Variants in BCL2A1 observed in about 807,000 individuals in gnomAD.
The protein encoded by BCL2A1 is bcl-2-related protein A1.
Under a neutral mutation model 14.4 loss-of-function variants are expected in BCL2A1, and 10 were observed. The observed-to-expected ratio is 0.69, with a 90% CI of 0.43 to 1.18. The LOEUF (loss-of-function observed/expected upper bound fraction) is 1.18, where lower values mean the gene tolerates loss of function less well. Among genes scored for constraint, BCL2A1 ranks in the 50% most tolerant of loss-of-function variants. The probability of loss-of-function intolerance (pLI) is 0.00; values close to 1 mark genes in which losing one functional copy is unlikely to be tolerated. For missense variants in BCL2A1, 158 were observed against 205.0 expected (o/e 0.77, Z 1.40); for synonymous variants, 71 against 76.5 (o/e 0.93, Z 0.38).
intron 1 of BCL2A1, among the ~76,000 whole-genome samples, chr15:79,968,066 T>C (rs1416579509): frequency 5.9e-5 from 9 of 152,214 alleles, no homozygotes. Context: ...CCTTGAAAGA[T>C]GAGGGTACTA....
At chr15:79,966,423 G>A (rs775814197) in intron 1 of BCL2A1, among the ~76,000 whole-genome samples, 11 of 152,160 alleles carry the variant, frequency 7.2e-5, no homozygotes, top group Non-Finnish European at 1.6e-4. Context: ...TGCTAGGCAT[G>A]AGGTACACAG....
intron 1 of BCL2A1, among the ~76,000 whole-genome samples, chr15:79,962,439 A>T (rs2035498294): frequency 1.3e-5 from 2 of 152,156 alleles, no homozygotes; most frequent in Non-Finnish European, 2.9e-5. Context: ...TCCTGCCAGT[A>T]CATACTCATA....
intron 1 of BCL2A1, among the ~76,000 whole-genome samples, chr15:79,970,325 T>G (rs1411113001): frequency 6.6e-6 from 1 of 152,204 alleles, no homozygotes; most frequent in Non-Finnish European, 1.5e-5. Flanking sequence ...CTGTGCTGAT[T>G]GTAGAAATTT....
At position 79,961,059 on chromosome 15, in the gene BCL2A1, C is replaced by A. The variant is rs1352622771; in HGVS notation, c.*8G>T. The A allele has an allele frequency of 1.2e-6, 2 of 1,613,762 alleles. No individual in the cohort carries two copies. Reference sequence around the variant, plus strand: ...GGCCGGTTTCACAATATGGAGTGTCCTTTCTGGTCAACAGTATTGCTTCAG... The same window carrying A: ...GGCCGGTTTCACAATATGGAGTGTCATTTCTGGTCAACAGTATTGCTTCAG... On this transcript the variant is annotated 3_prime_UTR_variant, in exon 2 of 2. Coordinates refer to ENST00000267953, the MANE Select transcript of BCL2A1 (RefSeq NM_004049.4).
intron 1 of BCL2A1, among the ~76,000 whole-genome samples, chr15:79,965,833 C>A (rs1567023673): frequency 6.6e-6 from 1 of 151,972 alleles, no homozygotes; most frequent in African/African-American, 2.4e-5. Flanking sequence ...GCTGCTAGAT[C>A]TTTATACCTT....
In BCL2A1 at chr15:79,970,864, A is replaced by T; in HGVS notation, c.256T>A (p.Trp86Arg). The change falls in exon 1 of 2, where the codon TGG becomes AGG. Residue 86 changes from tryptophan to arginine, a missense_variant. Physicochemically the swap from Trp to Arg is moderately radical, Grantham distance 101 (BLOSUM62 -3). Coordinates refer to ENST00000267953, the MANE Select transcript of BCL2A1 (RefSeq NM_004049.4). ...EKEFEDGIIN[W>R]GRIVTIFAFE... ...GCAAATATGGTTACAATTCTTCCCCAGTTAATGATGCCGTCTTCAAACTCC... is the reference window on the plus strand; with the variant it reads ...GCAAATATGGTTACAATTCTTCCCCTGTTAATGATGCCGTCTTCAAACTCC... 1 of 1,614,272 alleles carries T rather than the reference A, an allele frequency of 6.2e-7. No homozygotes were observed. The highest frequency in any genetic ancestry group is 8.5e-7 in the Non-Finnish European group (1 of 1,180,038).
At chr15:79,967,221 C>CTTTT (rs766307327) in intron 1 of BCL2A1, among the ~76,000 whole-genome samples, 12 of 115,030 alleles carry the variant, frequency 1.0e-4, no homozygotes, top group East Asian at 2.7e-4. Context: ...TCACATACCG[C>CTTTT]TTTTTTTTTT....
At chr15:79,966,845 GGAAA>G (rs1259513846) in intron 1 of BCL2A1, among the ~76,000 whole-genome samples, 2 of 151,806 alleles carry the variant, frequency 1.3e-5, no homozygotes, top group African/African-American at 4.9e-5. Context: ...CAGGAAGGAA[GGAAA>G]GACAACTGAC....
At chr15:79,964,136 A>G (rs1348321429) in intron 1 of BCL2A1, among the ~76,000 whole-genome samples, 2 of 152,206 alleles carry the variant, frequency 1.3e-5, no homozygotes, top group African/African-American at 2.4e-5. Context: ...TATACAAACA[A>G]GGATTCAATA....
chr15:79,969,049 A>C (rs1015347464), intron 1 of BCL2A1, among the ~76,000 whole-genome samples: 2 of 152,304 alleles, frequency 1.3e-5, no homozygotes, highest in Non-Finnish European at 2.9e-5. Flanking sequence ...GTAAACAGAC[A>C]ATTCCCTGCA....
chr15:79,970,976 C>T lies in BCL2A1; in HGVS notation c.144G>A (p.Val48=), dbSNP rs984707768. Residue 48 remains valine (V), a synonymous_variant, in exon 1 of 2, where the codon GTG becomes GTA. Coordinates refer to ENST00000267953, the MANE Select transcript of BCL2A1 (RefSeq NM_004049.4). The stretch of plus-strand genomic sequence containing the variant: ...CCAAGCATGACTTCAGATTCTTTTC[C>T]ACTTCTTTTTGGACTGAGAACGCAA... The part of the protein sequence containing the change: ...QNVAFSVQKE[V]EKNLKSCLDN... 1.5e-5 allele frequency: 24 copies of T among 1,614,096 alleles called. No homozygotes were observed. Among genetic ancestry groups the T allele is most frequent in the Middle Eastern group, 3.3e-4 (2 of 6,084 alleles).
intron 1 of BCL2A1, 64 bp downstream of exon 1, chr15:79,970,636 C>A: frequency 6.8e-7 from 1 of 1,469,420 alleles, no homozygotes; most frequent in Non-Finnish European, 9.2e-7. Context: ...TTTTAACTAG[C>A]AAGGAAATTC....
intron 1 of BCL2A1, among the ~76,000 whole-genome samples, chr15:79,967,217 A>C (rs2035550068): frequency 7.2e-6 from 1 of 138,134 alleles, no homozygotes; most frequent in African/African-American, 2.8e-5. Context: ...GTGCTCACAT[A>C]CCGCTTTTTT....
At chr15:79,968,436 A>G (rs2035564539) in intron 1 of BCL2A1, among the ~76,000 whole-genome samples, 1 of 152,226 alleles carries the variant, frequency 6.6e-6, no homozygotes, top group African/African-American at 2.4e-5. Context: ...AGGCTCAGTT[A>G]GAAAGAACTA....
chr15:79,965,259 C>T (rs2035529811), intron 1 of BCL2A1, among the ~76,000 whole-genome samples: 1 of 152,178 alleles, frequency 6.6e-6, no homozygotes, highest in Non-Finnish European at 1.5e-5. Context: ...TACCAAGTAG[C>T]TGGGATTACA....
At chr15:79,961,945 A>T (rs1437565272) in intron 1 of BCL2A1, among the ~76,000 whole-genome samples, 1 of 152,240 alleles carries the variant, frequency 6.6e-6, no homozygotes, top group Non-Finnish European at 1.5e-5. Context: ...AGGCCCAGAA[A>T]AATAAGTTAT....
intron 1 of BCL2A1, among the ~76,000 whole-genome samples, chr15:79,969,020 A>G (rs527565860): frequency 7.2e-5 from 11 of 152,306 alleles, no homozygotes; most frequent in Non-Finnish European, 1.6e-4. Flanking sequence ...ACAAAATAAA[A>G]GGAAAATGGG....
At chr15:79,965,303 A>G (rs540121755) in intron 1 of BCL2A1, among the ~76,000 whole-genome samples, 18 of 151,956 alleles carry the variant, frequency 1.2e-4, no homozygotes, top group Middle Eastern at 3.4e-3. Flanking sequence ...AATTTTTTGT[A>G]TTTTTAGTAG....
chr15:79,962,609 G>A (rs143668029), intron 1 of BCL2A1, among the ~76,000 whole-genome samples: 372 of 152,088 alleles, frequency 2.4e-3, no homozygotes, highest in Middle Eastern at 0.014. Context: ...GTGCAGTGGC[G>A]CGATCTCAGC....
Sources: allele counts gnomAD v4.1 joint callset (sites outside exome capture counted in the v4.1 genomes callset), GRCh38; gene constraint gnomAD v4.1.1; transcripts MANE v1.5; gene names NCBI Gene and HGNC (gene_info 2026-07-23, HGNC 2026-07-21).